UVRAG: variants seen among roughly 807,000 people sequenced by gnomAD.
UVRAG encodes UV radiation resistance-associated gene protein.
A neutral mutation model predicts 78.0 loss-of-function variants in UVRAG; 19 were observed. The observed-to-expected ratio is 0.24, with a 90% CI of 0.17 to 0.36. The LOEUF (loss-of-function observed/expected upper bound fraction) is 0.36, where lower values mean the gene tolerates loss of function less well. Among genes scored for constraint, UVRAG ranks in the 10% least tolerant of loss-of-function variants. UVRAG has a pLI of 1.00. For synonymous variants in UVRAG, 323 were observed against 324.6 expected (o/e 1.00, Z 0.05); for missense variants, 740 against 853.8 (o/e 0.87, Z 1.66).
At chr11:75,998,104 C>T (rs1030383996) in intron 8 of UVRAG, among the ~76,000 whole-genome samples, 1 of 152,210 alleles carries the variant, frequency 6.6e-6, no homozygotes, top group Non-Finnish European at 1.5e-5. Flanking sequence ...GCTCCCTTGA[C>T]AGTTGCAGTA....
chr11:75,921,341 A>G (rs1406116864), intron 6 of UVRAG, among the ~76,000 whole-genome samples: 1 of 152,184 alleles, frequency 6.6e-6, no homozygotes, highest in Non-Finnish European at 1.5e-5. Context: ...GAAATTTAAC[A>G]TGTTTTCTTA....
At chr11:75,928,740 C>T (rs1226427974) in intron 6 of UVRAG, among the ~76,000 whole-genome samples, 1 of 151,846 alleles carries the variant, frequency 6.6e-6, no homozygotes. Context: ...GAGATTGAGA[C>T]TATCCTGGCT....
At position 75,957,453 on chromosome 11, in the gene UVRAG, C is replaced by T. The variant is rs115016361; in HGVS notation, c.594-3991C>T. Among the ~76,000 whole-genome samples, 561 of 150,874 alleles carry T rather than the reference C, an allele frequency of 3.7e-3. 8 individuals are homozygous for T. The highest frequency in any genetic ancestry group is 0.013 in the African/African-American group (536 of 41,202). The stretch of plus-strand genomic sequence containing the variant: ...TATCTCCATGACCACACCATATTGT[C>T]TTAATTATGTAACTTAATAGAAACT... On this transcript the variant is annotated intron_variant, in intron 6 of 14. Transcript: ENST00000356136.
At chr11:75,964,285 CT>C (rs1284264476) in intron 7 of UVRAG, among the ~76,000 whole-genome samples, 1 of 152,082 alleles carries the variant, frequency 6.6e-6, no homozygotes, top group Non-Finnish European at 1.5e-5. Context: ...TGTTTTCTCC[CT>C]TTTTGTTTTC....
intron 13 of UVRAG, among the ~76,000 whole-genome samples, chr11:76,107,965 G>A (rs1011206660): frequency 4.6e-5 from 7 of 151,704 alleles, no homozygotes; most frequent in Admixed American, 1.3e-4. Flanking sequence ...TCGTATTTTC[G>A]GTTCCTCCAC....
intron 12 of UVRAG, among the ~76,000 whole-genome samples, chr11:76,038,875 C>A (rs1349706242): frequency 6.6e-6 from 1 of 152,160 alleles, no homozygotes; most frequent in Non-Finnish European, 1.5e-5. Context: ...AGCCCTACCA[C>A]CACAAGGAAC....
intron 12 of UVRAG, among the ~76,000 whole-genome samples, chr11:76,020,272 C>A (rs964506866): frequency 1.3e-5 from 2 of 152,108 alleles, no homozygotes; most frequent in Non-Finnish European, 2.9e-5. Context: ...AAATGCCATC[C>A]AAGAGCCAAG....
At chr11:76,059,282 A>G (rs1223796553) in intron 12 of UVRAG, among the ~76,000 whole-genome samples, 2 of 152,260 alleles carry the variant, frequency 1.3e-5, no homozygotes, top group South Asian at 2.1e-4. Flanking sequence ...ACCCAAGTTC[A>G]TATAACAACT....
intron 5 of UVRAG, among the ~76,000 whole-genome samples, chr11:75,895,477 A>T (rs1947321933): frequency 6.6e-6 from 1 of 152,230 alleles, no homozygotes; most frequent in Non-Finnish European, 1.5e-5. Flanking sequence ...TGTGTTGGAC[A>T]CTACCTAATA....
intron 5 of UVRAG, among the ~76,000 whole-genome samples, chr11:75,895,297 T>C (rs1415474923): frequency 6.6e-6 from 1 of 152,222 alleles, no homozygotes; most frequent in Non-Finnish European, 1.5e-5. Context: ...TTAATATGTC[T>C]TCAGGCACTA....
intron 13 of UVRAG, among the ~76,000 whole-genome samples, chr11:76,106,050 T>G (rs1951962069): frequency 6.6e-6 from 1 of 152,306 alleles, no homozygotes; most frequent in East Asian, 1.9e-4. Flanking sequence ...TCCACATACT[T>G]ATAGCAACTT....
intron 8 of UVRAG, among the ~76,000 whole-genome samples, chr11:75,984,362 A>G (rs1949453822): frequency 6.6e-6 from 1 of 152,216 alleles, no homozygotes. Context: ...ATGCTGTGTT[A>G]TAAAATAAGT....
chr11:76,070,199 C>T (rs575085248), intron 13 of UVRAG, among the ~76,000 whole-genome samples: 7 of 152,032 alleles, frequency 4.6e-5, no homozygotes, highest in Non-Finnish European at 7.4e-5. Flanking sequence ...AAGCCAGACA[C>T]TGAAAGACAA....
chr11:75,973,019 T>C (rs1487682439), intron 7 of UVRAG, among the ~76,000 whole-genome samples: 1 of 152,162 alleles, frequency 6.6e-6, no homozygotes, highest in African/African-American at 2.4e-5. Flanking sequence ...CCAACACGTG[T>C]AGCTTTTCTT....
chr11:75,947,377 A>T (rs1218656624), intron 6 of UVRAG, among the ~76,000 whole-genome samples: 1 of 152,166 alleles, frequency 6.6e-6, no homozygotes, highest in African/African-American at 2.4e-5. Flanking sequence ...TATGCAGAGA[A>T]TGGGAATCTT....
intron 1 of UVRAG, among the ~76,000 whole-genome samples, chr11:75,844,929 G>C (rs980779863): frequency 6.6e-6 from 1 of 152,142 alleles, no homozygotes; most frequent in African/African-American, 2.4e-5. Flanking sequence ...GCCTCCCAAA[G>C]TGCTGGGATT....
chr11:75,954,946 G>T (rs1948766699), intron 6 of UVRAG, among the ~76,000 whole-genome samples: 1 of 152,200 alleles, frequency 6.6e-6, no homozygotes, highest in Non-Finnish European at 1.5e-5. Flanking sequence ...TTATTTATCT[G>T]TTAAGGGATG....
intron 13 of UVRAG, 126 bp from the exon 14 acceptor site, chr11:76,115,798 G>A: frequency 6.1e-6 from 5 of 825,720 alleles, no homozygotes; most frequent in South Asian, 1.6e-5. Context: ...CTGTGAGGCT[G>A]ATAATAGTAT....
intron 6 of UVRAG, among the ~76,000 whole-genome samples, chr11:75,934,066 A>G (rs576383669): frequency 6.6e-6 from 1 of 152,332 alleles, no homozygotes; most frequent in South Asian, 2.1e-4. Flanking sequence ...GTTTATCACA[A>G]TAGCCAAGAT....
Sources: gnomAD v4.1 joint callset for allele counts (sites outside exome capture counted in the v4.1 genomes callset) on GRCh38, gnomAD v4.1.1 for gene constraint, MANE v1.5 for transcripts, NCBI Gene and HGNC (gene_info 2026-07-23, HGNC 2026-07-21) for gene names.